The following ABCB9 variants were observed in gnomAD, a reference collection of about 807,000 sequenced individuals.
The protein encoded by ABCB9 is ABC-type oligopeptide transporter ABCB9.
ABCB9 carries 36 observed loss-of-function variants against 62.0 expected under a neutral mutation model. That is an observed-to-expected ratio of 0.58 (90% CI 0.45 to 0.77). ABCB9 has a LOEUF of 0.77. Ranked by LOEUF, ABCB9 falls within the 30% of genes least tolerant of loss-of-function variation. The pLI, the probability that ABCB9 is intolerant of heterozygous loss-of-function variation, is 0.00. For synonymous variants in ABCB9, 435 were observed against 461.4 expected (o/e 0.94, Z 0.73); for missense variants, 943 against 1,054.7 (o/e 0.89, Z 1.47).
chr12:122,961,426 C>A (rs2135917415), intron 1 of ABCB9, among the ~76,000 whole-genome samples: 1 of 152,238 alleles, frequency 6.6e-6, no homozygotes, highest in South Asian at 2.1e-4. Flanking sequence ...CTCCTGACCT[C>A]AAGTGATCCA....
intron 1 of ABCB9, among the ~76,000 whole-genome samples, chr12:122,963,017 G>C (rs2036987937): frequency 6.6e-6 from 1 of 152,218 alleles, no homozygotes; most frequent in Non-Finnish European, 1.5e-5. Context: ...CCAGGGGCCA[G>C]GCATGGTGGC....
chr12:122,939,319 G>A (rs2035619423), intron 9 of ABCB9: 1 of 152,280 alleles, frequency 6.6e-6, no homozygotes, highest in African/African-American at 2.4e-5. Context: ...TGTCGAGTGG[G>A]AGACACAAGA....
In ABCB9 at chr12:122,955,235, T is replaced by G. The variant is rs2036559766; in HGVS notation, c.601+4400A>C. Among the ~76,000 whole-genome samples the G allele has an allele frequency of 2.0e-5, 3 of 152,204 alleles. No homozygotes were observed. The South Asian group carries it at 6.2e-4, about 31-fold the overall frequency. On this transcript the variant is annotated intron_variant, in intron 2 of 11. Coordinates refer to ENST00000280560, the MANE Select transcript of ABCB9 (RefSeq NM_019625.4). ...TTAATAACTTGCCTAAAGTTATCAG[T>G]GAAGTCGGGAGCCTGAGCCTCGAGT...
intron 2 of ABCB9, among the ~76,000 whole-genome samples, chr12:122,951,184 C>T (rs970868442): frequency 1.3e-5 from 2 of 151,730 alleles, no homozygotes; most frequent in African/African-American, 4.8e-5. Context: ...CCTGGAATCA[C>T]CCCCATTTTA....
chr12:122,949,854 G>C lies in ABCB9; in HGVS notation c.781C>G (p.Leu261Val). 6.2e-7 allele frequency: 1 copy of C among 1,614,200 alleles called. No individual in the cohort carries two copies. Among genetic ancestry groups the C allele is most frequent in the Non-Finnish European group, 8.5e-7 (1 of 1,180,014 alleles). Residue 261 changes from leucine to valine, a missense_variant, in exon 4 of 12, where the codon CTT becomes GTT. Transcript: ENST00000280560. The part of the protein sequence containing the change: ...TLIFARLNIR[L>V]RNCLFRSLVS... ...AGTGAGCGGAAGAGACAGTTTCGAA[G>C]GCGAATGTTCAGTCTGGCAAATATG...
At chr12:122,920,851 T>G (rs2034729579), downstream of ABCB9, 1 of 569,268 alleles carries the variant, frequency 1.8e-6, no homozygotes, top group Admixed American at 3.1e-5. Context: ...AGGCAGATGT[T>G]GCAGTGAGGT....
At chr12:122,962,290 C>T (rs2036944715) in intron 1 of ABCB9, among the ~76,000 whole-genome samples, 1 of 152,160 alleles carries the variant, frequency 6.6e-6, no homozygotes, top group Admixed American at 6.5e-5. Flanking sequence ...TGGGTGCTAC[C>T]TCCTGTCTCA....
At chr12:122,923,421 G>A (rs1389195257) in intron 11 of ABCB9, among the ~76,000 whole-genome samples, 2 of 152,102 alleles carry the variant, frequency 1.3e-5, no homozygotes, top group African/African-American at 4.8e-5. Context: ...CGAGTAGCTG[G>A]GACTACAGGC....
In ABCB9 at chr12:122,930,661, G is replaced by T. The variant is rs934154459; in HGVS notation, c.2041-490C>A. Among the ~76,000 whole-genome samples, 3 of 151,838 alleles carry T rather than the reference G, an allele frequency of 2.0e-5. No homozygotes were observed. Among genetic ancestry groups the T allele is most frequent in the Non-Finnish European group, 4.4e-5 (3 of 67,974 alleles). ...CTGACTTTGTGATCCGCCTGGCCTC[G>T]GCCTCCCAAAGTGCTGGGATTACAG... On this transcript the variant is annotated intron_variant, in intron 11 of 11. Coordinates refer to ENST00000280560, the MANE Select transcript of ABCB9 (RefSeq NM_019625.4). The surrounding 1 kb of genome is among the most constrained non-coding windows in gnomAD (Gnocchi z 4.9).
chr12:122,929,557 G>A lies in ABCB9; in HGVS notation c.*354C>T, dbSNP rs562250059. 5.5e-5 allele frequency: 58 copies of A among 1,059,730 alleles called. No homozygotes were observed. The highest frequency in any genetic ancestry group is 8.7e-4 in the Middle Eastern group (2 of 2,312). The allele number at this position is 1,059,730 out of a possible 1,614,324, so 65.6% of individuals were successfully genotyped here. A position where few individuals can be genotyped will look rare whatever the true frequency, so the allele number is the denominator to read the frequency against. ...CTAGAACATCTTGGTGAAAGTGCCC[G>A]CCATTACTCCCAATTAGAAAAAGGT... is the stretch of plus-strand genomic sequence containing the variant. On this transcript the variant is annotated 3_prime_UTR_variant, in exon 12 of 12. Coordinates refer to ENST00000280560, the MANE Select transcript of ABCB9 (RefSeq NM_019625.4). This position sits in a 1 kb window ranked among gnomAD's most constrained non-coding sequence, Gnocchi z 6.0.
chr12:122,957,097 A>C (rs1471399606), intron 2 of ABCB9, among the ~76,000 whole-genome samples: 1 of 151,160 alleles, frequency 6.6e-6, no homozygotes, highest in African/African-American at 2.4e-5. Flanking sequence ...GCTGGAGGGC[A>C]GTGGCGTCAT....
chr12:122,929,449 G>A lies in ABCB9; in HGVS notation c.*462C>T. 1.0e-6 allele frequency: 1 copy of A among 988,636 alleles called. No individual in the cohort carries two copies. Among genetic ancestry groups the A allele is most frequent in the Non-Finnish European group, 1.2e-6 (1 of 831,920 alleles). The allele number at this position is 988,636 out of a possible 1,614,324, so 61.2% of individuals were successfully genotyped here. On this transcript the variant is annotated 3_prime_UTR_variant, in exon 12 of 12. Coordinates refer to ENST00000280560, the MANE Select transcript of ABCB9 (RefSeq NM_019625.4). This position sits in a 1 kb window ranked among gnomAD's most constrained non-coding sequence, Gnocchi z 6.0. ...TCCGGGACAGGGAAGCCCCTTCTCT[G>A]GAGGGGTAAAGGGGAGAGGCCTAGT...
At chr12:122,955,720 T>G (rs1054390216) in intron 2 of ABCB9, among the ~76,000 whole-genome samples, 1 of 151,882 alleles carries the variant, frequency 6.6e-6, no homozygotes, top group African/African-American at 2.4e-5. Context: ...TTTTTGTTTT[T>G]TTTTTTTTTG....
Position 122,940,393 on chromosome 12 carries a change from TC to T in ABCB9, c.1570-110del, listed in dbSNP as rs1055995992. The T allele has an allele frequency of 8.2e-5, 108 of 1,312,542 alleles. No individual in the cohort carries two copies. Among genetic ancestry groups the T allele is most frequent in the Middle Eastern group, 2.8e-4 (1 of 3,628 alleles). The allele number at this position is 1,312,542 out of a possible 1,614,324, so 81.3% of individuals were successfully genotyped here. ...CCCTTCCCAGCCCACCCCATGTGCC[TC>T]TCCCTCGCTTGGGCACTGCTGGCCC... On this transcript the variant is annotated intron_variant, in intron 8 of 11. Coordinates refer to ENST00000280560, the MANE Select transcript of ABCB9 (RefSeq NM_019625.4). The surrounding 1 kb of genome is among the most constrained non-coding windows in gnomAD (Gnocchi z 4.8).
rs1215244134 is a variant in ABCB9 at position 122,929,534 on chromosome 12, A to C, written c.*377T>G. ...ATTCACTCCTGGCTCAGAAGTTTCT[A>C]GAACATCTTGGTGAAAGTGCCCGCC... On this transcript the variant is annotated 3_prime_UTR_variant, in exon 12 of 12. Transcript: ENST00000280560. This position sits in a 1 kb window ranked among gnomAD's most constrained non-coding sequence, Gnocchi z 6.0. 1 of 1,022,928 alleles carries C rather than the reference A, an allele frequency of 9.8e-7. No homozygotes were observed. Among genetic ancestry groups the C allele is most frequent in the African/African-American group, 1.7e-5 (1 of 58,766 alleles). The allele number at this position is 1,022,928 out of a possible 1,614,324, so 63.4% of individuals were successfully genotyped here. A position where few individuals can be genotyped will look rare whatever the true frequency, so the allele number is the denominator to read the frequency against.
downstream of ABCB9, chr12:122,920,856 T>C (rs1011489488): frequency 1.7e-6 from 1 of 582,006 alleles, no homozygotes; most frequent in Admixed American, 3.0e-5. Context: ...GATGTTGCAG[T>C]GAGGTGAGAT....
chr12:122,960,116 G>A lies in ABCB9; in HGVS notation c.120C>T (p.His40=), dbSNP rs771358788. 9 of 1,613,716 alleles carry A rather than the reference G, an allele frequency of 5.6e-6. No individual in the cohort carries two copies. Among genetic ancestry groups the A allele is most frequent in the East Asian group, 4.5e-5 (2 of 44,892 alleles). Residue 40 remains histidine, a synonymous_variant, in exon 2 of 12, where the codon CAC becomes CAT. Transcript: ENST00000280560. ...CCAGCACCGAGTCAAAGATGTTGAA[G>A]TGGCGGATGTCCTCCAGGAGGCTGC... is the stretch of plus-strand genomic sequence containing the variant. ...LDRSLLEDIR[H]FNIFDSVLDL...
Position 122,964,006 on chromosome 12 carries a change from GC to G in ABCB9, c.-88+2280del. Among the ~76,000 whole-genome samples the G allele has an allele frequency of 6.6e-6, 1 of 152,324 alleles. No individual in the cohort carries two copies. On this transcript the variant is annotated intron_variant, in intron 1 of 11. Transcript: ENST00000280560. The surrounding 1 kb of genome is among the most constrained non-coding windows in gnomAD (Gnocchi z 4.7). ...AGCGAGTGGGTGAGCTCCAGTCAGA[GC>G]CCAGGGAGGGAAGCTCCTGGCCTGG... is the stretch of plus-strand genomic sequence containing the variant.
upstream of ABCB9, among the ~76,000 whole-genome samples, chr12:122,969,834 T>C (rs550096275): frequency 6.6e-6 from 1 of 152,008 alleles, no homozygotes; most frequent in South Asian, 2.1e-4. Context: ...CACACTAGAA[T>C]AGCTGAGATC....
Sources: gnomAD v4.1 joint callset for allele counts (sites outside exome capture counted in the v4.1 genomes callset) on GRCh38, gnomAD v4.1.1 for gene constraint, Gnocchi (gnomAD v3.1) non-coding constraint, MANE v1.5 for transcripts, NCBI Gene and HGNC (gene_info 2026-07-23, HGNC 2026-07-21) for gene names.